SEPTIN9: variants seen among roughly 807,000 people sequenced by gnomAD.
The protein encoded by SEPTIN9 is septin 9, also known as septin-9.
A neutral mutation model predicts 56.6 loss-of-function variants in SEPTIN9; 13 were observed. The observed-to-expected ratio is 0.23, with a 90% CI of 0.15 to 0.37. The LOEUF is 0.37. Ranked by LOEUF, SEPTIN9 falls within the 10% of genes least tolerant of loss-of-function variation. The probability of loss-of-function intolerance (pLI) is 1.00; values close to 1 mark genes in which losing one functional copy is unlikely to be tolerated. For synonymous variants in SEPTIN9, 332 were observed against 334.1 expected, an observed-to-expected ratio of 0.99 and a Z score of 0.07; for missense variants, 650 against 823.1, an observed-to-expected ratio of 0.79 and a Z score of 2.57.
intron 1 of SEPTIN9, among the ~76,000 whole-genome samples, chr17:77,292,227 A>G (rs965795642): frequency 2.0e-5 from 3 of 152,130 alleles, no homozygotes; most frequent in African/African-American, 4.8e-5. Context: ...GGCTCCTGCC[A>G]CCTACCCTCT....
intron 2 of SEPTIN9, among the ~76,000 whole-genome samples, chr17:77,350,412 G>A (rs2034019737): frequency 6.6e-6 from 1 of 152,232 alleles, no homozygotes; most frequent in African/African-American, 2.4e-5. Flanking sequence ...GTGGCATGCA[G>A]GAGGCCCACA....
Position 77,475,686 on chromosome 17 carries a change from C to T in SEPTIN9, c.722-6458C>T, listed in dbSNP as rs548518199. 4 of 1,613,646 alleles carry T rather than the reference C, an allele frequency of 2.5e-6. No homozygotes were observed. Among genetic ancestry groups the T allele is most frequent in the South Asian group, 1.1e-5 (1 of 91,076 alleles). On this transcript the variant is annotated intron_variant, in intron 3 of 11. Transcript: ENST00000427177. This position sits in a 1 kb window ranked among gnomAD's most constrained non-coding sequence, Gnocchi z 4.6. ...AGGAGACTGCTGGGCCCACGCTGGG[C>T]CGGGGTGGATGGAGGCAAGGAAGTC...
chr17:77,450,625 C>T lies in SEPTIN9; in HGVS notation c.722-31519C>T, dbSNP rs865999119. 1.0e-6 allele frequency: 1 copy of T among 985,760 alleles called. No homozygotes were observed. Among genetic ancestry groups the T allele is most frequent in the Non-Finnish European group, 1.2e-6 (1 of 830,322 alleles). 61.1% of individuals were successfully genotyped at this position (985,760 alleles called of 1,614,324 possible). On this transcript the variant is annotated intron_variant, in intron 3 of 11. Coordinates refer to ENST00000427177, the MANE Select transcript of SEPTIN9 (RefSeq NM_001113491.2). The surrounding 1 kb of genome is among the most constrained non-coding windows in gnomAD (Gnocchi z 6.0). ...GTGTCAGCTCCCTCCTCTGGGGACC[C>T]CCTTGCTTGTGCCCCTCTGGGTCCC...
At chr17:77,306,377 T>TA (rs559500149) in intron 1 of SEPTIN9, among the ~76,000 whole-genome samples, 317 of 152,320 alleles carry the variant, frequency 2.1e-3, no homozygotes, top group African/African-American at 7.3e-3. Flanking sequence ...GGTGGCCGCC[T>TA]GTGCTCCCAG....
chr17:77,453,389 T>G lies in SEPTIN9; in HGVS notation c.722-28755T>G, dbSNP rs1352462752. 6.6e-6 allele frequency among the ~76,000 whole-genome samples: 1 copy of G among 152,092 alleles called. No homozygotes were observed. On this transcript the variant is annotated intron_variant, in intron 3 of 11. Transcript: ENST00000427177. This position sits in a 1 kb window ranked among gnomAD's most constrained non-coding sequence, Gnocchi z 4.4. ...AGGAGGCCAAGGCAGGCAGATCACC[T>G]GAGGTCAAGAGTTCGAGACCAGCCT...
intron 3 of SEPTIN9, among the ~76,000 whole-genome samples, chr17:77,406,732 A>G (rs1289709945): frequency 2.0e-5 from 3 of 151,488 alleles, no homozygotes; most frequent in African/African-American, 4.9e-5. Context: ...GTGCAGTGGC[A>G]TGATCTCAGC....
At chr17:77,407,841 C>T (rs1232549216) in intron 3 of SEPTIN9, among the ~76,000 whole-genome samples, 2 of 152,182 alleles carry the variant, frequency 1.3e-5, no homozygotes, top group African/African-American at 4.8e-5. Context: ...GTGGGGACGG[C>T]CTTGCCTCCT....
At chr17:77,454,205 C>CT in intron 3 of SEPTIN9, 2 of 985,522 alleles carry the variant, frequency 2.0e-6, no homozygotes, top group Non-Finnish European at 2.4e-6. Context: ...GACCTGGAGG[C>CT]TGACCACCCT....
At chr17:77,305,102 C>T (rs1413265410) in intron 1 of SEPTIN9, among the ~76,000 whole-genome samples, 2 of 152,152 alleles carry the variant, frequency 1.3e-5, no homozygotes, top group African/African-American at 2.4e-5. Flanking sequence ...AGATCTGCGC[C>T]GAGGTCTGCC....
chr17:77,419,517 G>A (rs1228891072), intron 3 of SEPTIN9, among the ~76,000 whole-genome samples: 1 of 152,148 alleles, frequency 6.6e-6, no homozygotes, highest in Non-Finnish European at 1.5e-5. Flanking sequence ...CGCTGTACCT[G>A]CGACCCAGCT....
chr17:77,483,834 C>G (rs929689779), intron 4 of SEPTIN9: 2 of 152,354 alleles, frequency 1.3e-5, no homozygotes, highest in African/African-American at 4.8e-5. Context: ...TGATTCCCCA[C>G]AAAATCACTC....
intron 1 of SEPTIN9, chr17:77,287,964 G>T: frequency 9.5e-7 from 1 of 1,053,736 alleles, no homozygotes; most frequent in South Asian, 4.6e-5. Flanking sequence ...CCTCAGAGCG[G>T]TGTTGGCCCG....
chr17:77,479,158 C>T (rs147467112), intron 3 of SEPTIN9, among the ~76,000 whole-genome samples: 185 of 152,326 alleles, frequency 1.2e-3, no homozygotes, highest in African/African-American at 4.3e-3. Context: ...CCGTGGCAAA[C>T]GTTATGACAA....
intron 3 of SEPTIN9, among the ~76,000 whole-genome samples, chr17:77,440,289 G>A (rs549380480): frequency 6.6e-6 from 1 of 151,944 alleles, no homozygotes; most frequent in African/African-American, 2.4e-5. Flanking sequence ...TAAGTAGCTG[G>A]GATTATAGGC....
rs2039471573 is a variant in SEPTIN9 at position 77,481,925 on chromosome 17, G to A, written c.722-219G>A. The A allele has an allele frequency of 5.1e-6, 3 of 589,052 alleles. No homozygotes were observed. In the South Asian group the frequency reaches 6.3e-5, roughly 12 times the overall value. The allele number at this position is 589,052 out of a possible 1,614,324, so 36.5% of individuals were successfully genotyped here. A position where few individuals can be genotyped will look rare whatever the true frequency, so the allele number is the denominator to read the frequency against. Reference sequence around the variant, plus strand: ...GAGTCTGGGGATGGAGCTTTGCTGGGGAGGCAGCGTGGCTGCAGGATGGCA... The same window carrying A: ...GAGTCTGGGGATGGAGCTTTGCTGGAGAGGCAGCGTGGCTGCAGGATGGCA... On this transcript the variant is annotated intron_variant, in intron 3 of 11. Transcript: ENST00000427177.
chr17:77,403,570 G>A (rs748425056), intron 3 of SEPTIN9, among the ~76,000 whole-genome samples: 3 of 152,152 alleles, frequency 2.0e-5, no homozygotes, highest in Non-Finnish European at 2.9e-5. Flanking sequence ...TCTCAGAAGC[G>A]TGCCCCCTGG....
rs767742533 is a variant in SEPTIN9 at position 77,445,079 on chromosome 17, C to T, written c.722-37065C>T. The T allele has an allele frequency of 7.2e-5, 31 of 431,874 alleles. 1 individual carries two copies. The highest frequency in any genetic ancestry group is 5.1e-4 in the South Asian group (31 of 60,284). The allele number at this position is 431,874 out of a possible 1,614,324, so 26.8% of individuals were successfully genotyped here. Reference sequence around the variant, plus strand: ...AGAAAATGTGCAGAGGCCCCTCTGTCCCACCATGCCTGCCTGGGGACGGCC... The same window carrying T: ...AGAAAATGTGCAGAGGCCCCTCTGTTCCACCATGCCTGCCTGGGGACGGCC... On this transcript the variant is annotated intron_variant, in intron 3 of 11. Transcript: ENST00000427177. This position sits in a 1 kb window ranked among gnomAD's most constrained non-coding sequence, Gnocchi z 4.7.
intron 2 of SEPTIN9, among the ~76,000 whole-genome samples, chr17:77,350,024 T>C (rs916213473): frequency 6.6e-6 from 1 of 152,234 alleles, no homozygotes; most frequent in African/African-American, 2.4e-5. Context: ...CCTAGACCAC[T>C]GGCTAGACCA....
intron 3 of SEPTIN9, among the ~76,000 whole-genome samples, chr17:77,481,639 G>A (rs2039460800): frequency 6.6e-6 from 1 of 152,236 alleles, no homozygotes; most frequent in South Asian, 2.1e-4. Flanking sequence ...CCTGTGTCTT[G>A]GCTCGTGGAT....
Sources: allele counts gnomAD v4.1 joint callset (sites outside exome capture counted in the v4.1 genomes callset), GRCh38; gene constraint gnomAD v4.1.1; non-coding constraint Gnocchi (gnomAD v3.1); transcripts MANE v1.5; gene names NCBI Gene and HGNC (gene_info 2026-07-23, HGNC 2026-07-21).